The following ZNF730 variants were observed in gnomAD, a reference collection of about 807,000 sequenced individuals.
ZNF730 encodes the protein putative zinc finger protein 730.
In ZNF730, 12 loss-of-function variants were observed where a neutral mutation model predicts 12.6. The observed-to-expected ratio is 0.95, with a 90% CI of 0.61 to 1.54. The LOEUF (loss-of-function observed/expected upper bound fraction) is 1.54, where lower values mean the gene tolerates loss of function less well. Among genes scored for constraint, ZNF730 ranks in the 40% most tolerant of loss-of-function variants. The pLI, the probability that ZNF730 is intolerant of heterozygous loss-of-function variation, is 0.00. For synonymous variants in ZNF730, 194 were observed against 195.8 expected (o/e 0.99, Z 0.08); for missense variants, 643 against 583.5 (o/e 1.10, Z -1.05).
At chr19:23,142,561 G>A (rs536993397) in intron 3 of ZNF730, among the ~76,000 whole-genome samples, 16 of 151,336 alleles carry the variant, frequency 1.1e-4, no homozygotes, top group African/African-American at 2.7e-4. Flanking sequence ...GGTGGCGGGC[G>A]CCTGTAGTCC....
At chr19:23,127,031 T>G in intron 1 of ZNF730, 2 of 513,274 alleles carry the variant, frequency 3.9e-6, no homozygotes, top group East Asian at 1.1e-4. Flanking sequence ...AATCCCGAGT[T>G]CCTAAAGCAT....
intron 1 of ZNF730, among the ~76,000 whole-genome samples, chr19:23,129,572 T>TCC (rs35242637): frequency 0.019 from 2,615 of 138,376 alleles, 81 homozygotes; most frequent in African/African-American, 0.058. Flanking sequence ...AATGCTTGTA[T>TCC]CCCCCCCCCC....
chr19:23,108,287 G>T (rs1317135264), intron 1 of ZNF730, among the ~76,000 whole-genome samples: 1 of 152,078 alleles, frequency 6.6e-6, no homozygotes, highest in Non-Finnish European at 1.5e-5. Flanking sequence ...TTTAATTAGG[G>T]TGTTGCAATT....
At chr19:23,118,067 A>G (rs970469642) in intron 1 of ZNF730, among the ~76,000 whole-genome samples, 2 of 152,092 alleles carry the variant, frequency 1.3e-5, no homozygotes, top group Non-Finnish European at 2.9e-5. Flanking sequence ...GCAGTAAAAT[A>G]CTAAATTTCC....
intron 2 of ZNF730, among the ~76,000 whole-genome samples, chr19:23,134,932 C>T (rs1319777609): frequency 1.3e-5 from 1 of 74,410 alleles, no homozygotes; most frequent in African/African-American, 5.3e-5. Context: ...TATCCCCAAC[C>T]CTGTGCTCTC....
rs10413730 is a variant in ZNF730, at chr19:23,135,145, C to T, written c.131-803C>T. ...CAGAGACCTTTGTTCACTTGTTTATCTACTGACCTTCCCTCCACTATTGTC... is the reference window on the plus strand; with the variant it reads ...CAGAGACCTTTGTTCACTTGTTTATTTACTGACCTTCCCTCCACTATTGTC... On this transcript the variant is annotated intron_variant, in intron 2 of 3. Transcript: ENST00000597761. 8.3e-5 allele frequency among the ~76,000 whole-genome samples: 10 copies of T among 120,502 alleles called. No homozygotes were observed. In the East Asian group the frequency reaches 2.8e-3, roughly 33 times the overall value. The allele number at this position is 120,502 out of a possible 152,430, so 79.1% of individuals were successfully genotyped here.
intron 1 of ZNF730, among the ~76,000 whole-genome samples, chr19:23,106,333 G>T (rs572535850): frequency 6.6e-6 from 1 of 152,240 alleles, no homozygotes; most frequent in South Asian, 2.1e-4. Context: ...ACTCTAGACA[G>T]TTGTCAAATC....
chr19:23,141,349 C>A (rs1599601676), intron 3 of ZNF730, among the ~76,000 whole-genome samples: 1 of 151,372 alleles, frequency 6.6e-6, no homozygotes, highest in South Asian at 2.1e-4. Flanking sequence ...GAGGTGAGAT[C>A]ACGCCACTGC....
intron 1 of ZNF730, chr19:23,127,080 C>G: frequency 1.9e-6 from 1 of 518,106 alleles, no homozygotes; most frequent in South Asian, 1.5e-5. Flanking sequence ...ATCTGCAGCA[C>G]TTTTGTGGGA....
At chr19:23,083,926 A>G (rs1286001794) in intron 1 of ZNF730, among the ~76,000 whole-genome samples, 1 of 152,102 alleles carries the variant, frequency 6.6e-6, no homozygotes, top group East Asian at 1.9e-4. Flanking sequence ...AGCTTGATGT[A>G]ATCTCATTAG....
chr19:23,136,536 C>T (rs1332470859), intron 3 of ZNF730, among the ~76,000 whole-genome samples: 3 of 152,134 alleles, frequency 2.0e-5, no homozygotes, highest in Non-Finnish European at 4.4e-5. Flanking sequence ...TCCTGAGTAG[C>T]TAGGATTACA....
chr19:23,079,129 G>C (rs955100169), intron 1 of ZNF730, among the ~76,000 whole-genome samples: 4 of 152,008 alleles, frequency 2.6e-5, no homozygotes, highest in Admixed American at 1.3e-4. Context: ...TTTAATCAAT[G>C]TTGTCCCTGC....
chr19:23,122,176 T>TTG (rs372301171), intron 1 of ZNF730, among the ~76,000 whole-genome samples: 2 of 148,994 alleles, frequency 1.3e-5, no homozygotes, highest in African/African-American at 5.0e-5. Flanking sequence ...AGTTTCACTC[T>TTG]TGTCGCCCAG....
In ZNF730 at chr19:23,117,135, T is replaced by C; in HGVS notation, c.-39T>C. ...CCTGCGACCTGCGGGTATTGGGAGA[T>C]CCACAGCTAAGACGCCAGGGCCCCC... On this transcript the variant is annotated 5_prime_UTR_variant, in exon 1 of 4. Coordinates refer to ENST00000597761, the MANE Select transcript of ZNF730 (RefSeq NM_001277403.2). The C allele has an allele frequency of 6.2e-7, 1 of 1,613,628 alleles. No individual in the cohort carries two copies. The highest frequency in any genetic ancestry group is 2.2e-5 in the East Asian group (1 of 44,864).
At chr19:23,087,887 A>G (rs932749273) in intron 1 of ZNF730, among the ~76,000 whole-genome samples, 2 of 152,178 alleles carry the variant, frequency 1.3e-5, no homozygotes, top group Non-Finnish European at 2.9e-5. Context: ...TGCTGGGATT[A>G]CAGGTGTGAG....
chr19:23,081,397 G>A (rs147983204), intron 1 of ZNF730, among the ~76,000 whole-genome samples: 3,634 of 151,972 alleles, frequency 0.024, 63 homozygotes, highest in Non-Finnish European at 0.032. Context: ...TTAGCTTACT[G>A]CAACCTCCGC....
In ZNF730 at chr19:23,117,048, A is replaced by C. The variant is rs1970537861; in HGVS notation, c.-126A>C. 6.9e-7 allele frequency: 1 copy of C among 1,449,508 alleles called. No individual in the cohort carries two copies. The highest frequency in any genetic ancestry group is 1.3e-5 in the South Asian group (1 of 74,702). The allele number at this position is 1,449,508 out of a possible 1,614,324, so 89.8% of individuals were successfully genotyped here. A position where few individuals can be genotyped will look rare whatever the true frequency, so the allele number is the denominator to read the frequency against. On this transcript the variant is annotated 5_prime_UTR_variant, in exon 1 of 4. Coordinates refer to ENST00000597761, the MANE Select transcript of ZNF730 (RefSeq NM_001277403.2). The stretch of plus-strand genomic sequence containing the variant: ...CGGCCTTTGTTTCTCGCTGCCGCCG[A>C]AGCTCCAATTTTCGTCTGTCTGCTT...
chr19:23,092,361 G>A (rs528339255), intron 1 of ZNF730, among the ~76,000 whole-genome samples: 7 of 152,130 alleles, frequency 4.6e-5, no homozygotes, highest in East Asian at 3.9e-4. Context: ...TTGGGAGGCC[G>A]AGGCAGGCGA....
intron 1 of ZNF730, among the ~76,000 whole-genome samples, chr19:23,131,488 AAAACAAAAAAC>A (rs923987825): frequency 3.9e-5 from 6 of 152,096 alleles, no homozygotes; most frequent in African/African-American, 9.7e-5. Context: ...TCTAAATACA[AAAACAAAAAAC>A]AAACAAAAAA....
Sources: gnomAD v4.1 joint callset for allele counts (sites outside exome capture counted in the v4.1 genomes callset) on GRCh38, gnomAD v4.1.1 for gene constraint, MANE v1.5 for transcripts, NCBI Gene and HGNC (gene_info 2026-07-23, HGNC 2026-07-21) for gene names.